The following KRT18 variants were observed in gnomAD, a reference collection of about 807,000 sequenced individuals.
KRT18 encodes the protein keratin, type I cytoskeletal 18.
In KRT18, 8 loss-of-function variants were observed where a neutral mutation model predicts 39.9. That is an observed-to-expected ratio of 0.20 (90% CI 0.12 to 0.36). The LOEUF (loss-of-function observed/expected upper bound fraction) is 0.36. Ranked by LOEUF, KRT18 falls within the 10% of genes least tolerant of loss-of-function variation. The probability of loss-of-function intolerance (pLI) is 1.00; values close to 1 mark genes in which losing one functional copy is unlikely to be tolerated. For synonymous variants in KRT18, 194 were observed against 227.8 expected (o/e 0.85, Z 1.33); for missense variants, 396 against 565.7 (o/e 0.70, Z 3.04).
chr12:52,951,096 G>C (rs1180658038), intron 3 of KRT18, among the ~76,000 whole-genome samples, 190 bp downstream of exon 3: 1 of 152,218 alleles, frequency 6.6e-6, no homozygotes, highest in Admixed American at 6.5e-5. Context: ...TGGCTCACCT[G>C]AATTACAGGT....
Sources: allele counts gnomAD v4.1 joint callset (sites outside exome capture counted in the v4.1 genomes callset), GRCh38; gene constraint gnomAD v4.1.1; transcripts MANE v1.5; gene names NCBI Gene and HGNC (gene_info 2026-07-23, HGNC 2026-07-21).